Variants in ANK3 observed in about 807,000 individuals in gnomAD.
The protein encoded by ANK3 is ankyrin 3, also known as ankyrin-3.
In ANK3, 57 loss-of-function variants were observed where a neutral mutation model predicts 370.9. That is an observed-to-expected ratio of 0.15 (90% CI 0.12 to 0.19). The LOEUF is 0.19. ANK3 is among the 10% of genes least tolerant of loss of function. The pLI is 1.00. For synonymous variants in ANK3, 1,929 were observed against 1,946.3 expected (o/e 0.99, Z 0.23); for missense variants, 4,439 against 5,302.1 (o/e 0.84, Z 5.06).
chr10:60,188,074 T>C (rs1199300416), intron 16 of ANK3, among the ~76,000 whole-genome samples: 4 of 152,210 alleles, frequency 2.6e-5, no homozygotes, highest in Non-Finnish European at 4.4e-5. Flanking sequence ...TAAGGGCGTA[T>C]ATTGTGTTAT....
At chr10:60,514,025 G>A (rs1047006394) in intron 2 of ANK3, among the ~76,000 whole-genome samples, 1 of 152,080 alleles carries the variant, frequency 6.6e-6, no homozygotes, top group Non-Finnish European at 1.5e-5. Context: ...TGAAGACGAG[G>A]ATGAAGATCT....
intron 1 of ANK3, among the ~76,000 whole-genome samples, chr10:60,354,326 T>C (rs1459929221): frequency 6.6e-6 from 1 of 152,152 alleles, no homozygotes; most frequent in African/African-American, 2.4e-5. Context: ...AACCTTTAAG[T>C]CTGAGTGCTT....
intron 1 of ANK3, among the ~76,000 whole-genome samples, chr10:60,339,553 T>C (rs192664450): frequency 1.3e-5 from 2 of 152,362 alleles, no homozygotes; most frequent in Admixed American, 6.5e-5. Flanking sequence ...ATTCCAACTT[T>C]ATCAGTCTAT....
chr10:60,061,744 T>C (rs1209558891), intron 40 of ANK3, among the ~76,000 whole-genome samples: 1 of 152,138 alleles, frequency 6.6e-6, no homozygotes, highest in Non-Finnish European at 1.5e-5. Context: ...TTAAACTTTT[T>C]TTTTTTTTAA....
chr10:60,619,796 G>A (rs577781839), intron 1 of ANK3, among the ~76,000 whole-genome samples: 4 of 152,306 alleles, frequency 2.6e-5, no homozygotes, highest in African/African-American at 9.6e-5. Context: ...AGTTCCTCCT[G>A]TTTGCCGAAA....
At chr10:60,678,431 G>A (rs1052785820) in intron 1 of ANK3, among the ~76,000 whole-genome samples, 8 of 151,970 alleles carry the variant, frequency 5.3e-5, no homozygotes, top group South Asian at 2.1e-4. Flanking sequence ...TTTAAGAACC[G>A]CAAAAGCCAA....
chr10:60,590,375 T>A (rs2077892781), intron 2 of ANK3, among the ~76,000 whole-genome samples: 1 of 152,226 alleles, frequency 6.6e-6, no homozygotes, highest in Non-Finnish European at 1.5e-5. Flanking sequence ...GTATATTAGA[T>A]TAAAATGTTA....
chr10:60,632,842 A>G (rs2078502605), intron 1 of ANK3, among the ~76,000 whole-genome samples: 1 of 152,050 alleles, frequency 6.6e-6, no homozygotes, highest in South Asian at 2.1e-4. Context: ...TGGTCGTACC[A>G]CTGCACTCCA....
chr10:60,613,620 A>G (rs936599213), intron 2 of ANK3, among the ~76,000 whole-genome samples: 1 of 152,210 alleles, frequency 6.6e-6, no homozygotes, highest in African/African-American at 2.4e-5. Flanking sequence ...CAGCAACATT[A>G]CAACATCCTG....
intron 2 of ANK3, among the ~76,000 whole-genome samples, chr10:60,551,131 T>C (rs1439301102): frequency 1.3e-5 from 2 of 152,146 alleles, no homozygotes; most frequent in South Asian, 4.1e-4. Flanking sequence ...TCTTGCTTTT[T>C]CAATATAACA....
At chr10:60,465,756 ATAGGAAT>A (rs1024746997) in intron 2 of ANK3, among the ~76,000 whole-genome samples, 6 of 150,652 alleles carry the variant, frequency 4.0e-5, no homozygotes, top group Non-Finnish European at 8.8e-5. Context: ...AGAATTCCTA[ATAGGAAT>A]AGTTTTCTTT....
intron 2 of ANK3, among the ~76,000 whole-genome samples, chr10:60,562,628 G>A (rs1237066330): frequency 6.6e-6 from 1 of 152,078 alleles, no homozygotes; most frequent in African/African-American, 2.4e-5. Flanking sequence ...GTTTAAATAC[G>A]CTTTGTTTCT....
rs1377709589 is a variant in ANK3, at chr10:60,073,328, A to T, written c.7553T>A (p.Ile2518Asn). ...TAPKKEILSK[I>N]YKDVSENGVG... ...ACCATTTTCAGAAACATCTTTATAG[A>T]TTTTGGAGAGAATTTCTTTTTTGGG... The change falls in exon 37 of 44, where the codon ATC (isoleucine) becomes AAC (asparagine). Residue 2518 changes from isoleucine (I) to asparagine (N), a missense_variant. By Grantham distance (149) the Ile-to-Asn change is moderately radical. Around this residue, in one of 13 missense-constraint regions of ANK3, gnomAD observed 1,601 missense variants for 1,731.7 expected, o/e 0.92. Transcript: ENST00000280772. The T allele has an allele frequency of 6.2e-7, 1 of 1,613,816 alleles. No individual in the cohort carries two copies. Among genetic ancestry groups the T allele is most frequent in the Non-Finnish European group, 8.5e-7 (1 of 1,180,000 alleles).
rs149674120 is a variant in ANK3, at chr10:60,291,286, T to C, written c.115-11647A>G. Among the ~76,000 whole-genome samples, 238 of 152,280 alleles carry C rather than the reference T, an allele frequency of 1.6e-3. 1 individual carries two copies. Among genetic ancestry groups the C allele is most frequent in the African/African-American group, 5.5e-3 (230 of 41,558 alleles). ...TTGTCTCTTAGAGGATATAAAATCA[T>C]AGGTATCAGGAGAGGAGAATTTGTG... On this transcript the variant is annotated intron_variant, in intron 1 of 43. Transcript: ENST00000280772.
chr10:60,275,513 G>T (rs938063666), intron 4 of ANK3, among the ~76,000 whole-genome samples: 1 of 152,134 alleles, frequency 6.6e-6, no homozygotes, highest in Admixed American at 6.6e-5. Context: ...GATGTTAAGG[G>T]TATGGTGAAA....
rs1489369209 is a variant in ANK3 at position 60,027,856 on chromosome 10, G to A, written c.*1990C>T. The A allele has an allele frequency of 6.6e-6, 1 of 152,190 alleles. No homozygotes were observed. Among genetic ancestry groups the A allele is most frequent in the Non-Finnish European group, 1.5e-5 (1 of 68,030 alleles). 9.4% of individuals were successfully genotyped at this position (152,190 alleles called of 1,614,324 possible). ...GTACAAATATAAGAAATGAGGCTGT[G>A]GCAGTGATACCTGTAGACCCCACAC... On this transcript the variant is annotated 3_prime_UTR_variant, in exon 44 of 44. Transcript: ENST00000280772.
At chr10:60,405,900 TCTC>T (rs2063446079) in intron 2 of ANK3, among the ~76,000 whole-genome samples, 1 of 152,162 alleles carries the variant, frequency 6.6e-6, no homozygotes, top group African/African-American at 2.4e-5. Flanking sequence ...ATTTGAAAAT[TCTC>T]CTAACAGCAT....
intron 16 of ANK3, among the ~76,000 whole-genome samples, chr10:60,190,402 TC>T (rs11320807): frequency 0.39 from 58,666 of 152,092 alleles, 13,420 homozygotes; most frequent in Non-Finnish European, 0.5. Flanking sequence ...GTATTTATTC[TC>T]CTTTCTTTCT....
chr10:60,673,772 C>T (rs186001891), intron 1 of ANK3, among the ~76,000 whole-genome samples: 1 of 152,324 alleles, frequency 6.6e-6, no homozygotes, highest in African/African-American at 2.4e-5. Context: ...GATCTCCTTC[C>T]TTCTGCACTC....
Sources: allele counts gnomAD v4.1 joint callset (sites outside exome capture counted in the v4.1 genomes callset), GRCh38; gene constraint gnomAD v4.1.1; regional missense constraint gnomAD v4.1.1; transcripts MANE v1.5; gene names NCBI Gene and HGNC (gene_info 2026-07-23, HGNC 2026-07-21).